ROCK2: variants seen among roughly 807,000 people sequenced by gnomAD.
The protein encoded by ROCK2 is Rho associated coiled-coil containing protein kinase 2.
Under a neutral mutation model 195.1 loss-of-function variants are expected in ROCK2, and 61 were observed. The observed-to-expected ratio is 0.31, with a 90% CI of 0.25 to 0.39. ROCK2 has a LOEUF of 0.39. ROCK2 is among the 10% of genes least tolerant of loss of function. The pLI is 1.00. For missense variants in ROCK2, 1,109 were observed against 1,637.4 expected, an observed-to-expected ratio of 0.68 and a Z score of 5.57; for synonymous variants, 504 against 545.5, an observed-to-expected ratio of 0.92 and a Z score of 1.06.
At chr2:11,304,999 A>G (rs928103140) in intron 1 of ROCK2, among the ~76,000 whole-genome samples, 1 of 152,000 alleles carries the variant, frequency 6.6e-6, no homozygotes, top group Non-Finnish European at 1.5e-5. Context: ...ATGGGGGAGG[A>G]GGGTTGGGCA....
At chr2:11,211,081 A>C (rs1664229849) in intron 18 of ROCK2, among the ~76,000 whole-genome samples, 1 of 152,224 alleles carries the variant, frequency 6.6e-6, no homozygotes, top group South Asian at 2.1e-4. Flanking sequence ...GGAAAAGAAA[A>C]AATTATCCTA....
Position 11,197,846 on chromosome 2 carries a change from C to T in ROCK2, c.3100-141G>A, listed in dbSNP as rs1663697657. On this transcript the variant is annotated intron_variant, in intron 25 of 32. Transcript: ENST00000315872. The surrounding 1 kb of genome is among the most constrained non-coding windows in gnomAD (Gnocchi z 4.9). The stretch of plus-strand genomic sequence containing the variant: ...ATACAGGGCTACAAAGAAACACTTT[C>T]TATAATATTTAAATAATACACCTCC... 2 of 444,454 alleles carry T rather than the reference C, an allele frequency of 4.5e-6. No homozygotes were observed. Among genetic ancestry groups the T allele is most frequent in the African/African-American group, 2.0e-5 (1 of 49,002 alleles). The allele number at this position is 444,454 out of a possible 1,614,324, so 27.5% of individuals were successfully genotyped here.
chr2:11,276,782 GGTGT>G (rs1029757664), intron 3 of ROCK2, among the ~76,000 whole-genome samples: 7 of 152,126 alleles, frequency 4.6e-5, no homozygotes, highest in African/African-American at 1.7e-4. Flanking sequence ...TATGTGTACT[GGTGT>G]GTGTGTATGT....
chr2:11,247,294 T>G (rs998309875), intron 4 of ROCK2, among the ~76,000 whole-genome samples: 4 of 152,146 alleles, frequency 2.6e-5, no homozygotes, highest in African/African-American at 7.2e-5. Flanking sequence ...TGGTGATGGT[T>G]GTACAACTCT....
intron 9 of ROCK2, among the ~76,000 whole-genome samples, 166 bp from the exon 10 acceptor site, chr2:11,219,192 C>A (rs1322458122): frequency 1.3e-5 from 2 of 151,938 alleles, no homozygotes; most frequent in Non-Finnish European, 2.9e-5. Context: ...ACATTTGTAT[C>A]ATTTTCAATA....
At chr2:11,328,016 G>T (rs892060471) in intron 1 of ROCK2, among the ~76,000 whole-genome samples, 1 of 152,250 alleles carries the variant, frequency 6.6e-6, no homozygotes, top group African/African-American at 2.4e-5. Context: ...AGAGAACATG[G>T]TATATTCAGA....
chr2:11,303,780 TC>T (rs923384595), intron 1 of ROCK2, among the ~76,000 whole-genome samples: 17 of 152,162 alleles, frequency 1.1e-4, no homozygotes, highest in African/African-American at 3.6e-4. Flanking sequence ...ACAGCCATCA[TC>T]ACACTCCTAA....
At chr2:11,210,465 C>T (rs1425612656) in intron 18 of ROCK2, among the ~76,000 whole-genome samples, 2 of 152,008 alleles carry the variant, frequency 1.3e-5, no homozygotes, top group Admixed American at 1.3e-4. Flanking sequence ...GTCCTACTCC[C>T]AAGTAGCTCT....
chr2:11,261,590 G>A (rs1165955031), intron 3 of ROCK2, among the ~76,000 whole-genome samples: 2 of 152,108 alleles, frequency 1.3e-5, no homozygotes, highest in African/African-American at 2.4e-5. Context: ...AGGCTGAGGC[G>A]GGTGGATCAT....
At chr2:11,242,672 A>G (rs13421887) in intron 4 of ROCK2, among the ~76,000 whole-genome samples, 221 of 152,318 alleles carry the variant, frequency 1.5e-3, no homozygotes, top group African/African-American at 5.0e-3. Context: ...CCATATGTGC[A>G]TAAGACCAGA....
intron 9 of ROCK2, 74 bp downstream of exon 9, chr2:11,221,124 A>T (rs1262340120): frequency 2.8e-6 from 3 of 1,086,924 alleles, no homozygotes; most frequent in Non-Finnish European, 3.8e-6. Context: ...CCTATAATTG[A>T]GTCTCAAAAT....
intron 11 of ROCK2, 165 bp downstream of exon 11, chr2:11,218,290 C>A: frequency 2.2e-6 from 1 of 457,610 alleles, no homozygotes; most frequent in Non-Finnish European, 3.8e-6. Context: ...TAAACAGATC[C>A]ACAGAACAAT....
chr2:11,247,362 G>T (rs1300584976), intron 4 of ROCK2, among the ~76,000 whole-genome samples: 1 of 152,156 alleles, frequency 6.6e-6, no homozygotes, highest in Non-Finnish European at 1.5e-5. Context: ...CAGTCACTTT[G>T]ACAAGTTTTC....
In ROCK2 at chr2:11,193,804, G is replaced by C. The variant is rs1663523299; in HGVS notation, c.3662C>G (p.Ala1221Gly). 6.3e-7 allele frequency: 1 copy of C among 1,594,736 alleles called. No individual in the cohort carries two copies. The highest frequency in any genetic ancestry group is 1.7e-4 in the Middle Eastern group (1 of 5,994). Reference protein sequence around the residue: ...VTQTDVYRADAKEIPRIFQIL... With the variant: ...VTQTDVYRADGKEIPRIFQIL... ...CTGGAATATCCTTGGAATTTCTTTAGCATCTGCTCTATACACATCTGTCTG... is the reference window on the plus strand; with the variant it reads ...CTGGAATATCCTTGGAATTTCTTTACCATCTGCTCTATACACATCTGTCTG... The change falls in exon 30 of 33, where the codon GCT becomes GGT. Residue 1221 changes from alanine to glycine, a missense_variant. Transcript: ENST00000315872.
At chr2:11,265,633 T>C (rs188904608) in intron 3 of ROCK2, among the ~76,000 whole-genome samples, 63 of 152,252 alleles carry the variant, frequency 4.1e-4, no homozygotes, top group African/African-American at 1.4e-3. Flanking sequence ...GAAAGAAACA[T>C]GATAAATGGA....
intron 5 of ROCK2, among the ~76,000 whole-genome samples, chr2:11,232,375 C>T (rs1665051146): frequency 6.6e-6 from 1 of 152,146 alleles, no homozygotes; most frequent in African/African-American, 2.4e-5. Flanking sequence ...GCAGTCTGCC[C>T]ACCCTGGCCT....
rs767153848 is a variant in ROCK2, at chr2:11,286,657, C to T, written c.224-18G>A. 2.4e-6 allele frequency: 3 copies of T among 1,259,036 alleles called. No homozygotes were observed. The highest frequency in any genetic ancestry group is 3.5e-6 in the Non-Finnish European group (3 of 868,344). The allele number at this position is 1,259,036 out of a possible 1,614,324, so 78.0% of individuals were successfully genotyped here. A position where few individuals can be genotyped will look rare whatever the true frequency, so the allele number is the denominator to read the frequency against. ...TTTCTCATCTACCATAAAAAGATCA[C>T]CATACTTATAATATCAATCATATTT... is the stretch of plus-strand genomic sequence containing the variant. On this transcript the variant is annotated intron_variant, in intron 2 of 32. Transcript: ENST00000315872.
intron 1 of ROCK2, among the ~76,000 whole-genome samples, chr2:11,328,715 C>T (rs1468232322): frequency 6.6e-6 from 1 of 152,172 alleles, no homozygotes; most frequent in East Asian, 1.9e-4. Flanking sequence ...GGCACATATA[C>T]ACCATGGAAT....
intron 3 of ROCK2, among the ~76,000 whole-genome samples, chr2:11,267,999 G>C (rs892615477): frequency 3.3e-5 from 5 of 151,968 alleles, no homozygotes; most frequent in Non-Finnish European, 7.4e-5. Flanking sequence ...CAGATAAGGA[G>C]CTTGGAAATC....
Sources: gnomAD v4.1 joint callset for allele counts (sites outside exome capture counted in the v4.1 genomes callset) on GRCh38, gnomAD v4.1.1 for gene constraint, Gnocchi (gnomAD v3.1) non-coding constraint, MANE v1.5 for transcripts, NCBI Gene and HGNC (gene_info 2026-07-23, HGNC 2026-07-21) for gene names.